Variants in TMX2 observed in about 807,000 individuals in gnomAD.
The protein encoded by TMX2 is thioredoxin related transmembrane protein 2.
TMX2 carries 20 observed loss-of-function variants against 33.4 expected under a neutral mutation model. The observed-to-expected ratio is 0.60, with a 90% CI of 0.42 to 0.87. The LOEUF (loss-of-function observed/expected upper bound fraction) is 0.87, where lower values mean the gene tolerates loss of function less well. TMX2 is among the 40% of genes least tolerant of loss of function. TMX2 has a pLI of 0.00. For synonymous variants in TMX2, 166 were observed against 140.7 expected, an observed-to-expected ratio of 1.18 and a Z score of -1.27; for missense variants, 340 against 370.7, an observed-to-expected ratio of 0.92 and a Z score of 0.68.
At chr11:57,723,483 C>CA (rs1188727488) in intron 1 of TMX2, among the ~76,000 whole-genome samples, 31 of 57,186 alleles carry the variant, frequency 5.4e-4, no homozygotes, top group East Asian at 1.9e-3. Context: ...AACTCCGTCT[C>CA]AAAAAAAAAA....
intron 2 of TMX2, 61 bp downstream of exon 2, chr11:57,737,729 C>G (rs1948839732): frequency 6.3e-7 from 1 of 1,578,472 alleles, no homozygotes; most frequent in South Asian, 1.1e-5. Context: ...AGGTGCTTTG[C>G]TTCATGTTAA....
At chr11:57,729,931 A>C (rs570608604) in intron 1 of TMX2, among the ~76,000 whole-genome samples, 144 of 151,820 alleles carry the variant, frequency 9.5e-4, no homozygotes, top group Non-Finnish European at 1.8e-3. Context: ...AACATGGTGA[A>C]ACCCCGTCTC....
At chr11:57,715,836 C>T (rs1437128246) in intron 1 of TMX2, among the ~76,000 whole-genome samples, 2 of 151,066 alleles carry the variant, frequency 1.3e-5, no homozygotes, top group Admixed American at 6.6e-5. Context: ...CATCTTGCAC[C>T]GCCCTTAATC....
intron 1 of TMX2, among the ~76,000 whole-genome samples, chr11:57,719,685 T>G (rs1214512117): frequency 6.6e-6 from 1 of 151,632 alleles, no homozygotes; most frequent in Non-Finnish European, 1.5e-5. Context: ...CCCGGCTAAT[T>G]TTTGTATTTT....
At chr11:57,718,215 G>T (rs1467170259) in intron 1 of TMX2, 46 of 1,414,514 alleles carry the variant, frequency 3.3e-5, no homozygotes, top group Non-Finnish European at 4.5e-5. Flanking sequence ...GGAACCTTTT[G>T]TGTTGGGTCC....
chr11:57,736,543 A>G (rs1020010935), intron 1 of TMX2, among the ~76,000 whole-genome samples: 16 of 152,000 alleles, frequency 1.1e-4, no homozygotes, highest in Non-Finnish European at 2.4e-4. Flanking sequence ...CTCTCAAATT[A>G]TATCAAAAGT....
intron 1 of TMX2, among the ~76,000 whole-genome samples, chr11:57,725,464 A>T (rs1240593221): frequency 6.6e-6 from 1 of 151,994 alleles, no homozygotes; most frequent in Non-Finnish European, 1.5e-5. Flanking sequence ...TGGCTGGTCG[A>T]GGTGGCTCAC....
At chr11:57,717,997 A>G (rs773835606) in intron 1 of TMX2, 1 of 796,364 alleles carries the variant, frequency 1.3e-6, no homozygotes, top group Non-Finnish European at 2.2e-6. Context: ...AGGAGAGCAC[A>G]GAAGGAATGG....
chr11:57,719,526 T>TG (rs1947438276), intron 1 of TMX2, among the ~76,000 whole-genome samples: 1 of 137,714 alleles, frequency 7.3e-6, no homozygotes, highest in Non-Finnish European at 1.6e-5. Flanking sequence ...TTTTTTTTTT[T>TG]TTTTTTTTTT....
chr11:57,739,451 A>T (rs903703855), intron 7 of TMX2, among the ~76,000 whole-genome samples, 191 bp downstream of exon 7: 5 of 152,192 alleles, frequency 3.3e-5, no homozygotes, highest in Admixed American at 2.0e-4. Context: ...ACTGGGTAAC[A>T]ATCATTAGTT....
chr11:57,731,699 C>T (rs1048255481), intron 1 of TMX2, among the ~76,000 whole-genome samples: 1 of 152,050 alleles, frequency 6.6e-6, no homozygotes, highest in Non-Finnish European at 1.5e-5. Flanking sequence ...TGGTGGAGAC[C>T]AAGAAGCTCC....
chr11:57,726,021 T>G (rs757734884), intron 1 of TMX2, among the ~76,000 whole-genome samples: 1 of 152,194 alleles, frequency 6.6e-6, no homozygotes, highest in Non-Finnish European at 1.5e-5. Context: ...ATACATATTT[T>G]AAATTATTTC....
At chr11:57,721,651 G>A (rs561222924) in intron 1 of TMX2, among the ~76,000 whole-genome samples, 4 of 152,174 alleles carry the variant, frequency 2.6e-5, no homozygotes, top group East Asian at 3.9e-4. Context: ...TTTACTTAGC[G>A]ACTTAAGCCA....
At chr11:57,734,591 T>TA (rs749585062) in intron 1 of TMX2, among the ~76,000 whole-genome samples, 5 of 150,608 alleles carry the variant, frequency 3.3e-5, no homozygotes, top group African/African-American at 1.2e-4. Flanking sequence ...CTACTAAAAA[T>TA]ACAAAAGTTC....
chr11:57,729,454 G>GA (rs1264716760), intron 1 of TMX2, among the ~76,000 whole-genome samples: 1 of 151,996 alleles, frequency 6.6e-6, no homozygotes, highest in African/African-American at 2.4e-5. Context: ...ATAGCTATGG[G>GA]AACTGTGTGT....
Position 57,738,324 on chromosome 11 carries a change from TTTCCTTCGACATC to T in TMX2, c.365-26_365-14del. 2 of 1,533,908 alleles carry T rather than the reference TTTCCTTCGACATC, an allele frequency of 1.3e-6. No homozygotes were observed. Among genetic ancestry groups the T allele is most frequent in the Non-Finnish European group, 1.8e-6 (2 of 1,110,780 alleles). On this transcript the variant is annotated splice_polypyrimidine_tract_variant and intron_variant, in intron 3 of 7. Coordinates refer to ENST00000278422, the MANE Select transcript of TMX2 (RefSeq NM_015959.4). ...AATTCCCTGTGTAAGGCTTTTTATG[TTTCCTTCGACATC>T]TTCTTTCTGTATTTAGTGTTCCTGA...
At chr11:57,738,844 T>C (rs1329382174) in intron 5 of TMX2, 74 bp downstream of exon 5, 1 of 1,562,138 alleles carries the variant, frequency 6.4e-7, no homozygotes, top group African/African-American at 1.4e-5. Context: ...TGGCTTTTCT[T>C]TTTCTTTTGG....
chr11:57,731,213 A>C (rs536309187), intron 1 of TMX2, among the ~76,000 whole-genome samples: 1 of 134,882 alleles, frequency 7.4e-6, no homozygotes, highest in South Asian at 2.4e-4. Flanking sequence ...CACTCACTGC[A>C]ACATCTGCCT....
At chr11:57,735,577 C>T (rs1441814690) in intron 1 of TMX2, among the ~76,000 whole-genome samples, 2 of 152,124 alleles carry the variant, frequency 1.3e-5, no homozygotes, top group Non-Finnish European at 2.9e-5. Flanking sequence ...GGAAGCATAG[C>T]CTCCGCTCAG....
Sources: gnomAD v4.1 joint callset for allele counts (sites outside exome capture counted in the v4.1 genomes callset) on GRCh38, gnomAD v4.1.1 for gene constraint, MANE v1.5 for transcripts, NCBI Gene and HGNC (gene_info 2026-07-23, HGNC 2026-07-21) for gene names.